Variants in NCR1 observed in about 807,000 individuals in gnomAD.
NCR1 encodes NK cell-activating receptor.
NCR1 carries 30 observed loss-of-function variants against 32.5 expected under a neutral mutation model. That is an observed-to-expected ratio of 0.92 (90% CI 0.69 to 1.25). NCR1 has a LOEUF of 1.25. Among genes scored for constraint, NCR1 ranks in the 50% most tolerant of loss-of-function variants. The pLI, the probability that NCR1 is intolerant of heterozygous loss-of-function variation, is 0.00. For synonymous variants in NCR1, 169 were observed against 143.4 expected (o/e 1.18, Z -1.28); for missense variants, 369 against 380.7 (o/e 0.97, Z 0.26).
At chr19:54,900,920 A>G in the NCR1 span, among the ~76,000 whole-genome samples, 1 of 151,942 alleles carries the variant, frequency 6.6e-6, no homozygotes, top group African/African-American at 2.4e-5. Context: ...AATTTAAACC[A>G]TTGAATTATG....
upstream of NCR1, among the ~76,000 whole-genome samples, chr19:54,904,531 C>CTTTTTTTT: frequency 8.4e-6 from 1 of 118,994 alleles, no homozygotes; most frequent in Non-Finnish European, 1.8e-5. Flanking sequence ...GTTTTCTTTT[C>CTTTTTTTT]TTTTTTTTTT....
chr19:54,902,842 G>A (rs71367117), upstream of NCR1, among the ~76,000 whole-genome samples: 4 of 152,066 alleles, frequency 2.6e-5, no homozygotes, highest in African/African-American at 9.7e-5. Flanking sequence ...AAATAAGAAG[G>A]AGGCGGGCTG....
chr19:54,932,254 C>G, the NCR1 span, among the ~76,000 whole-genome samples: 1 of 152,010 alleles, frequency 6.6e-6, no homozygotes, highest in Non-Finnish European at 1.5e-5. Flanking sequence ...ATGGTGAAAC[C>G]TCATCTCCAC....
chr19:54,914,613 AC>A (rs562848432), downstream of NCR1, among the ~76,000 whole-genome samples: 507 of 152,266 alleles, frequency 3.3e-3, 2 homozygotes, highest in African/African-American at 0.011. Context: ...TGCTGGAATT[AC>A]AGGTGTGAGT....
downstream of NCR1, among the ~76,000 whole-genome samples, chr19:54,916,343 C>A (rs1330167985): frequency 1.5e-5 from 1 of 68,460 alleles, no homozygotes; most frequent in Admixed American, 1.6e-4. Context: ...TTTTTTGAGA[C>A]GAAGTCCTGC....
In NCR1 at chr19:54,910,070, G is replaced by C. The variant is rs764803582; in HGVS notation, c.682+5G>C. 3.7e-6 allele frequency: 6 copies of C among 1,613,404 alleles called. No individual in the cohort carries two copies. The highest frequency in any genetic ancestry group is 5.1e-6 in the Non-Finnish European group (6 of 1,179,710). On this transcript the variant is annotated splice_donor_5th_base_variant and intron_variant, in intron 5 of 6. Transcript: ENST00000291890. ...CTGAAGACCCCACCTTTCCTGGTGA[G>C]TAACTGGTCCTTCTAAGCTCAGACG...
At chr19:54,918,386 G>C (rs1357401465), downstream of NCR1, among the ~76,000 whole-genome samples, 4 of 151,854 alleles carry the variant, frequency 2.6e-5, no homozygotes, top group Admixed American at 2.6e-4. Flanking sequence ...CTCCCACCTT[G>C]GCCTCCCAAA....
the NCR1 span, among the ~76,000 whole-genome samples, chr19:54,921,464 T>C: frequency 1.3e-5 from 2 of 152,024 alleles, no homozygotes; most frequent in Non-Finnish European, 2.9e-5. Context: ...ACCTCCAGGT[T>C]TGGGTTAGTA....
At chr19:54,925,172 G>A in the NCR1 span, among the ~76,000 whole-genome samples, 9 of 152,064 alleles carry the variant, frequency 5.9e-5, no homozygotes, top group African/African-American at 1.2e-4. Context: ...TCCCAAAGGA[G>A]GAACTGAGGA....
At chr19:54,914,023 G>A (rs1164519370), downstream of NCR1, among the ~76,000 whole-genome samples, 3 of 148,590 alleles carry the variant, frequency 2.0e-5, no homozygotes, top group East Asian at 2.0e-4. Flanking sequence ...AGCCAAGATC[G>A]CACCACTGCA....
chr19:54,900,907 C>T, the NCR1 span, among the ~76,000 whole-genome samples: 1 of 151,790 alleles, frequency 6.6e-6, no homozygotes, highest in East Asian at 1.9e-4. Context: ...GTGAATACCA[C>T]AAAATTTAAA....
the NCR1 span, among the ~76,000 whole-genome samples, chr19:54,930,852 A>AT: frequency 1.1e-4 from 16 of 151,948 alleles, no homozygotes; most frequent in East Asian, 2.3e-3. Context: ...AGTAGCTGGG[A>AT]TTATAGGTGC....
upstream of NCR1, among the ~76,000 whole-genome samples, chr19:54,902,986 C>T (rs1033953153): frequency 3.3e-5 from 5 of 151,346 alleles, no homozygotes; most frequent in African/African-American, 7.3e-5. Context: ...AAAAATTAGT[C>T]GAGTGTGGTG....
chr19:54,932,827 T>G, the NCR1 span, among the ~76,000 whole-genome samples: 1,600 of 152,152 alleles, frequency 0.011, 31 homozygotes, highest in African/African-American at 0.037. Flanking sequence ...GGTTAATTTT[T>G]GTATTTTTTA....
chr19:54,906,868 T>C, intron 3 of NCR1, 61 bp downstream of exon 3: 2 of 1,568,490 alleles, frequency 1.3e-6, no homozygotes, highest in South Asian at 1.2e-5. Flanking sequence ...TGCAGCATCA[T>C]CTATGAACTC....
At chr19:54,909,843 G>A (rs2067863569) in intron 4 of NCR1, among the ~76,000 whole-genome samples, 175 bp from the exon 5 acceptor site, 1 of 147,654 alleles carries the variant, frequency 6.8e-6, no homozygotes, top group Non-Finnish European at 1.5e-5. Flanking sequence ...GCTGAGGCAG[G>A]AGAATCGCTT....
chr19:54,913,082 T>G, downstream of NCR1: 1 of 477,358 alleles, frequency 2.1e-6, no homozygotes, highest in Non-Finnish European at 3.7e-6. Context: ...AGACAGAGTT[T>G]TCTCTTGTTG....
the NCR1 span, among the ~76,000 whole-genome samples, chr19:54,937,089 G>A: frequency 6.8e-6 from 1 of 146,196 alleles, no homozygotes; most frequent in South Asian, 2.2e-4. Context: ...GTGGTGGCGG[G>A]CGCCTGTAGT....
the NCR1 span, among the ~76,000 whole-genome samples, chr19:54,936,810 G>T: frequency 6.6e-6 from 1 of 152,174 alleles, no homozygotes; most frequent in South Asian, 2.1e-4. Context: ...AGGTATTCGG[G>T]AGGCTGAGGT....
Sources: allele counts gnomAD v4.1 joint callset (sites outside exome capture counted in the v4.1 genomes callset), GRCh38; gene constraint gnomAD v4.1.1; transcripts MANE v1.5; gene names NCBI Gene and HGNC (gene_info 2026-07-23, HGNC 2026-07-21).